Variants in ZNF600 observed in about 807,000 individuals in gnomAD.
ZNF600 encodes zinc finger protein KR-ZNF1.
Under a neutral mutation model 7.3 loss-of-function variants are expected in ZNF600, and 4 were observed. The ratio of observed to expected loss-of-function variants is 0.55; its 90% CI spans 0.27 to 1.25. The LOEUF (loss-of-function observed/expected upper bound fraction) is 1.25. Ranked by LOEUF, ZNF600 falls within the 50% of genes most tolerant of loss-of-function variation. ZNF600 has a pLI of 0.12. For synonymous variants in ZNF600, 290 were observed against 308.9 expected (o/e 0.94, Z 0.64); for missense variants, 911 against 922.1 (o/e 0.99, Z 0.16).
At chr19:52,832,387 G>T in the ZNF600 span, among the ~76,000 whole-genome samples, 422 of 152,078 alleles carry the variant, frequency 2.8e-3, 12 homozygotes, top group East Asian at 0.054. Context: ...AAGGTCAGGA[G>T]TTCCTGACCA....
intron 1 of ZNF600, among the ~76,000 whole-genome samples, chr19:52,783,359 CT>C (rs1431263750): frequency 6.6e-6 from 1 of 152,076 alleles, no homozygotes; most frequent in East Asian, 1.9e-4. Flanking sequence ...TCCATCATTC[CT>C]TTTTTTGTTT....
chr19:52,771,983 A>G (rs2062633751), intron 3 of ZNF600, among the ~76,000 whole-genome samples: 1 of 152,162 alleles, frequency 6.6e-6, no homozygotes, highest in African/African-American at 2.4e-5. Flanking sequence ...CATCAACATC[A>G]CTGAAGGCTG....
intron 1 of ZNF600, among the ~76,000 whole-genome samples, chr19:52,784,225 C>CA (rs916155600): frequency 3.5e-5 from 5 of 144,794 alleles, no homozygotes; most frequent in African/African-American, 1.1e-4. Context: ...CCTGTTTCTA[C>CA]AAAAAAACAA....
intron 2 of ZNF600, among the ~76,000 whole-genome samples, chr19:52,775,425 C>T (rs966319706): frequency 6.6e-6 from 1 of 151,764 alleles, no homozygotes; most frequent in Non-Finnish European, 1.5e-5. Flanking sequence ...TGGTGCAGGC[C>T]TGTACTCCCA....
chr19:52,784,796 T>A (rs1304099519), intron 1 of ZNF600, among the ~76,000 whole-genome samples: 1 of 152,214 alleles, frequency 6.6e-6, no homozygotes, highest in African/African-American at 2.4e-5. Context: ...TGGCATGATC[T>A]CTGCTCACAG....
chr19:52,774,289 T>C (rs957151916), intron 3 of ZNF600, among the ~76,000 whole-genome samples: 11 of 150,356 alleles, frequency 7.3e-5, no homozygotes, highest in Non-Finnish European at 1.5e-5. Context: ...ATTAGCTGGG[T>C]GTGGTGGCAC....
intron 3 of ZNF600, among the ~76,000 whole-genome samples, chr19:52,769,248 T>C (rs1173826261): frequency 6.6e-6 from 1 of 152,124 alleles, no homozygotes; most frequent in Non-Finnish European, 1.5e-5. Flanking sequence ...CAGGCCCACC[T>C]GCAGTTATCC....
At chr19:52,788,438 C>T (rs571319893), upstream of ZNF600, among the ~76,000 whole-genome samples, 23 of 152,166 alleles carry the variant, frequency 1.5e-4, no homozygotes, top group South Asian at 3.1e-3. Context: ...AAAAAAAATA[C>T]GAGATTTAAT....
chr19:52,786,974 G>A (rs548695100), upstream of ZNF600, among the ~76,000 whole-genome samples: 27 of 152,374 alleles, frequency 1.8e-4, no homozygotes, highest in Non-Finnish European at 3.1e-4. Context: ...GGAAGGCTGA[G>A]GCATGATTCA....
chr19:52,783,423 G>T (rs1029767128), intron 1 of ZNF600, among the ~76,000 whole-genome samples: 1 of 152,018 alleles, frequency 6.6e-6, no homozygotes, highest in African/African-American at 2.4e-5. Flanking sequence ...GGGCAGTGGC[G>T]CGATCTCGGC....
intron 3 of ZNF600, among the ~76,000 whole-genome samples, chr19:52,770,384 G>A (rs2062621483): frequency 6.6e-6 from 1 of 152,230 alleles, no homozygotes; most frequent in Non-Finnish European, 1.5e-5. Context: ...AAAGGTTACA[G>A]TGAGCCGAGA....
rs374562613 is a variant in ZNF600 at position 52,774,542 on chromosome 19, C to A, written c.190+33G>T. 6.3e-5 allele frequency: 62 copies of A among 983,784 alleles called. No individual in the cohort carries two copies. The African/African-American group carries it at 9.5e-4, about 15-fold the overall frequency. 60.9% of individuals were successfully genotyped at this position (983,784 alleles called of 1,614,324 possible). A position where few individuals can be genotyped will look rare whatever the true frequency, so the allele number is the denominator to read the frequency against. ...AAGGGCCAAGATAGACAAGAGCAGA[C>A]TCCTCATGTCTGGGGGACATCATTT... On this transcript the variant is annotated intron_variant, in intron 3 of 3. Coordinates refer to ENST00000648973, the Ensembl canonical transcript of ZNF600.
At chr19:52,780,781 T>C (rs551992506) in intron 1 of ZNF600, 5 of 152,332 alleles carry the variant, frequency 3.3e-5, no homozygotes, top group African/African-American at 1.2e-4. Context: ...TCTCACTCTT[T>C]TCACGTATAC....
chr19:52,800,415 C>T, the ZNF600 span: 27 of 1,613,352 alleles, frequency 1.7e-5, no homozygotes, highest in Non-Finnish European at 2.2e-5. Context: ...TGATTTGCAC[C>T]TGAAAACTTT....
chr19:52,764,547 TCTCA>T (rs895813729), exon 4 of ZNF600: 2 of 146,632 alleles, frequency 1.4e-5, no homozygotes, highest in Admixed American at 6.8e-5. Context: ...TGAGACAGAT[TCTCA>T]CTGTCGCCCA....
chr19:52,787,355 C>T (rs945211889), upstream of ZNF600, among the ~76,000 whole-genome samples: 5 of 151,944 alleles, frequency 3.3e-5, no homozygotes, highest in Non-Finnish European at 7.4e-5. Flanking sequence ...AAAGTAACAC[C>T]CCCTAACTGC....
chr19:52,801,364 C>T, the ZNF600 span: 15 of 1,614,018 alleles, frequency 9.3e-6, no homozygotes, highest in African/African-American at 2.0e-4. Context: ...ACTTGATTAC[C>T]AATTTTCCCT....
the ZNF600 span, among the ~76,000 whole-genome samples, chr19:52,794,570 G>GGC: frequency 6.6e-6 from 1 of 152,136 alleles, no homozygotes; most frequent in Non-Finnish European, 1.5e-5. Flanking sequence ...AAAATTCCAG[G>GGC]ATGGGCCGGG....
chr19:52,813,248 T>TAAAAAAAAA, the ZNF600 span, among the ~76,000 whole-genome samples: 3 of 4,754 alleles, frequency 6.3e-4, no homozygotes, highest in Non-Finnish European at 1.7e-3. Flanking sequence ...ACTTGAATGG[T>TAAAAAAAAA]GAAAAAAAAA....
Sources: gnomAD v4.1 joint callset for allele counts (sites outside exome capture counted in the v4.1 genomes callset) on GRCh38, gnomAD v4.1.1 for gene constraint, MANE v1.5 for transcripts, NCBI Gene and HGNC (gene_info 2026-07-23, HGNC 2026-07-21) for gene names.